The following CACNB2 variants were observed in gnomAD, a reference collection of about 807,000 sequenced individuals.
The protein encoded by CACNB2 is calcium voltage-gated channel auxiliary subunit beta 2, also known as voltage-dependent L-type calcium channel subunit beta-2.
A neutral mutation model predicts 73.3 loss-of-function variants in CACNB2; 42 were observed. The ratio of observed to expected loss-of-function variants is 0.57; its 90% CI spans 0.45 to 0.74. CACNB2 has a LOEUF of 0.74. CACNB2 is among the 30% of genes least tolerant of loss of function. The pLI is 0.00. For missense variants in CACNB2, 940 were observed against 853.0 expected (o/e 1.10, Z -1.27); for synonymous variants, 348 against 310.3 (o/e 1.12, Z -1.28).
intron 2 of CACNB2, among the ~76,000 whole-genome samples, chr10:18,347,921 G>A (rs567138400): frequency 2.5e-4 from 38 of 152,300 alleles, no homozygotes; most frequent in Middle Eastern, 3.4e-3. Context: ...GGTTTTGAGC[G>A]TCGTGCACAG....
intron 2 of CACNB2, among the ~76,000 whole-genome samples, chr10:18,374,075 G>C (rs1442441840): frequency 6.6e-6 from 1 of 152,212 alleles, no homozygotes; most frequent in Non-Finnish European, 1.5e-5. Context: ...GGGATAGATA[G>C]AATGGTAGAG....
At chr10:18,201,161 C>T (rs181546988) in intron 2 of CACNB2, among the ~76,000 whole-genome samples, 9 of 152,178 alleles carry the variant, frequency 5.9e-5, no homozygotes, top group Admixed American at 1.3e-4. Flanking sequence ...ATTCAATGGA[C>T]GTATAGTGAG....
At chr10:18,271,807 T>G (rs2131645103) in intron 2 of CACNB2, among the ~76,000 whole-genome samples, 2 of 152,348 alleles carry the variant, frequency 1.3e-5, no homozygotes, top group East Asian at 3.9e-4. Flanking sequence ...AATTCTCTTC[T>G]GTTTGAATCA....
chr10:18,447,635 A>G (rs1402261713), intron 3 of CACNB2, among the ~76,000 whole-genome samples: 1 of 152,058 alleles, frequency 6.6e-6, no homozygotes, highest in African/African-American at 2.4e-5. Flanking sequence ...AAAATAAGAC[A>G]TGATCACTGG....
At chr10:18,397,019 C>T (rs1416156813) in intron 2 of CACNB2, among the ~76,000 whole-genome samples, 6 of 152,004 alleles carry the variant, frequency 3.9e-5, no homozygotes, top group African/African-American at 9.7e-5. Context: ...TCCAAGATGC[C>T]GCTATGAAAT....
intron 2 of CACNB2, chr10:18,257,286 C>T (rs1214725162): frequency 6.6e-6 from 1 of 152,232 alleles, no homozygotes; most frequent in African/African-American, 2.4e-5. Context: ...CTGGGACATT[C>T]ATCTTAGCCC....
intron 2 of CACNB2, among the ~76,000 whole-genome samples, chr10:18,197,332 G>C (rs2034671152): frequency 6.6e-6 from 1 of 152,132 alleles, no homozygotes; most frequent in Non-Finnish European, 1.5e-5. Flanking sequence ...TCATGCCTAA[G>C]TTATATCAGC....
At chr10:18,428,546 C>T (rs1384431034) in intron 3 of CACNB2, among the ~76,000 whole-genome samples, 1 of 152,036 alleles carries the variant, frequency 6.6e-6, no homozygotes, top group Non-Finnish European at 1.5e-5. Flanking sequence ...ATTAGCCAGA[C>T]GTGGTGGCGG....
Position 18,472,501 on chromosome 10 carries a change from T to A in CACNB2, c.334-25854T>A, listed in dbSNP as rs1374188676. 5.9e-5 allele frequency among the ~76,000 whole-genome samples: 9 copies of A among 152,302 alleles called. No homozygotes were observed. In the East Asian group the frequency reaches 1.5e-3, roughly 26 times the overall value. ...ATCCGCCCGCCTTGGCCTCCCAAAG[T>A]GCTGGGATTACAGGCATGAGCCACT... is the stretch of plus-strand genomic sequence containing the variant. On this transcript the variant is annotated intron_variant, in intron 3 of 13. Coordinates refer to ENST00000324631, the MANE Select transcript of CACNB2 (RefSeq NM_201596.3).
intron 3 of CACNB2, among the ~76,000 whole-genome samples, chr10:18,417,235 A>G (rs1233598943): frequency 6.6e-6 from 1 of 152,056 alleles, no homozygotes; most frequent in Non-Finnish European, 1.5e-5. Context: ...TAGAGTTTAC[A>G]AGCAAAAAAC....
intron 2 of CACNB2, among the ~76,000 whole-genome samples, chr10:18,259,573 A>ACAAC: frequency 7.0e-6 from 1 of 143,728 alleles, no homozygotes. Context: ...ACAAAAAAAA[A>ACAAC]AAGTAAAAGT....
intron 2 of CACNB2, among the ~76,000 whole-genome samples, chr10:18,394,868 C>G (rs960258650): frequency 6.6e-6 from 1 of 152,128 alleles, no homozygotes; most frequent in Non-Finnish European, 1.5e-5. Context: ...ACTCTTTTAG[C>G]CTCTAAGTAA....
chr10:18,222,154 G>A (rs79566172), intron 2 of CACNB2, among the ~76,000 whole-genome samples: 3 of 152,146 alleles, frequency 2.0e-5, no homozygotes, highest in African/African-American at 4.8e-5. Context: ...ATCACAATCC[G>A]ATCCAACCTC....
chr10:18,432,606 A>G (rs1218207257), intron 3 of CACNB2, among the ~76,000 whole-genome samples: 1 of 152,150 alleles, frequency 6.6e-6, no homozygotes, highest in Non-Finnish European at 1.5e-5. Flanking sequence ...GCCAGAGGCA[A>G]GCAGATTGCT....
intron 3 of CACNB2, among the ~76,000 whole-genome samples, chr10:18,447,371 A>T (rs61839261): frequency 6.6e-6 from 1 of 152,198 alleles, no homozygotes; most frequent in Admixed American, 6.5e-5. Context: ...TGGGGTTATC[A>T]CCTAGGGGTG....
intron 2 of CACNB2, among the ~76,000 whole-genome samples, chr10:18,159,947 CTG>C (rs1234596982): frequency 1.3e-5 from 2 of 152,108 alleles, no homozygotes; most frequent in Non-Finnish European, 2.9e-5. Flanking sequence ...ATGGCAGAGT[CTG>C]TTTGGTGTCC....
chr10:18,491,491 G>A (rs1199224220), intron 3 of CACNB2, among the ~76,000 whole-genome samples: 1 of 152,192 alleles, frequency 6.6e-6, no homozygotes, highest in East Asian at 1.9e-4. Context: ...ATGAGGCTGA[G>A]ACTGGAGGAT....
intron 5 of CACNB2, among the ~76,000 whole-genome samples, chr10:18,503,369 G>C (rs1241230422): frequency 6.6e-6 from 1 of 152,192 alleles, no homozygotes; most frequent in Admixed American, 6.5e-5. Context: ...GGCCAAAGCA[G>C]GTGGATCGCT....
chr10:18,440,559 C>T (rs1040117964), intron 3 of CACNB2, among the ~76,000 whole-genome samples: 2 of 152,132 alleles, frequency 1.3e-5, no homozygotes, highest in South Asian at 2.1e-4. Flanking sequence ...GCCAGCTACT[C>T]GGGAGGATCA....
Sources: allele counts gnomAD v4.1 joint callset (sites outside exome capture counted in the v4.1 genomes callset), GRCh38; gene constraint gnomAD v4.1.1; transcripts MANE v1.5; gene names NCBI Gene and HGNC (gene_info 2026-07-23, HGNC 2026-07-21).